Variants in ADAMTSL1 observed in about 807,000 individuals in gnomAD.
ADAMTSL1 encodes the protein ADAMTS-like protein 1.
A neutral mutation model predicts 201.8 loss-of-function variants in ADAMTSL1; 126 were observed. The ratio of observed to expected loss-of-function variants is 0.62; its 90% CI spans 0.54 to 0.72. The LOEUF (loss-of-function observed/expected upper bound fraction) is 0.72, where lower values mean the gene tolerates loss of function less well. Ranked by LOEUF, ADAMTSL1 falls within the 30% of genes least tolerant of loss-of-function variation. ADAMTSL1 has a pLI of 0.00. For missense variants in ADAMTSL1, 2,679 were observed against 2,277.8 expected, an observed-to-expected ratio of 1.18 and a Z score of -3.59; for synonymous variants, 1,121 against 903.4, an observed-to-expected ratio of 1.24 and a Z score of -4.32.
chr9:18,512,198 C>T (rs1387675098), intron 2 of ADAMTSL1, among the ~76,000 whole-genome samples: 1 of 152,128 alleles, frequency 6.6e-6, no homozygotes, highest in African/African-American at 2.4e-5. Flanking sequence ...AAATATATTA[C>T]CAAGACTTCT....
rs372486212 is a variant in ADAMTSL1 at position 18,542,031 on chromosome 9, A to G, written c.237+8739A>G. Among the ~76,000 whole-genome samples, 256 of 152,350 alleles carry G rather than the reference A, an allele frequency of 1.7e-3. 7 individuals are homozygous for G. The South Asian group carries it at 0.049, about 29-fold the overall frequency. ...TGGTTGTGTGGCACCATCCCAAGGC[A>G]TTGAAGGACACACATCCAACTGATC... On this transcript the variant is annotated intron_variant, in intron 3 of 28. Coordinates refer to ENST00000380548, the MANE Select transcript of ADAMTSL1 (RefSeq NM_001040272.6).
chr9:18,865,683 C>T (rs558065211), intron 23 of ADAMTSL1, among the ~76,000 whole-genome samples: 83 of 152,238 alleles, frequency 5.5e-4, no homozygotes, highest in African/African-American at 1.6e-3. Context: ...AGTTTAGAAC[C>T]ACTTTAGGCC....
intron 26 of ADAMTSL1, among the ~76,000 whole-genome samples, chr9:18,894,624 AAAAG>A (rs1829503603): frequency 6.6e-6 from 1 of 152,100 alleles, no homozygotes; most frequent in South Asian, 2.1e-4. Flanking sequence ...ATACAGAAAA[AAAAG>A]AGGGTGGATT....
chr9:18,377,389 T>A (rs948340136), intron 2 of ADAMTSL1, among the ~76,000 whole-genome samples: 5 of 152,352 alleles, frequency 3.3e-5, no homozygotes, highest in African/African-American at 9.6e-5. Flanking sequence ...ATTGTCTACA[T>A]CCAGATATCG....
intron 2 of ADAMTSL1, among the ~76,000 whole-genome samples, chr9:18,464,831 T>C (rs748227183): frequency 2.0e-5 from 3 of 152,078 alleles, no homozygotes; most frequent in Non-Finnish European, 4.4e-5. Flanking sequence ...AAAATAAAAA[T>C]CAAGAGAGAA....
At chr9:17,937,817 C>T (rs1431947138) in intron 1 of ADAMTSL1, among the ~76,000 whole-genome samples, 4 of 152,096 alleles carry the variant, frequency 2.6e-5, no homozygotes, top group African/African-American at 4.8e-5. Context: ...TCTAATGCTT[C>T]CTTTTAAAAC....
chr9:18,650,511 G>T (rs749696704), intron 7 of ADAMTSL1, among the ~76,000 whole-genome samples: 1 of 152,004 alleles, frequency 6.6e-6, no homozygotes, highest in Non-Finnish European at 1.5e-5. Flanking sequence ...GTAGACAGGA[G>T]CTGTTCCTAT....
intron 22 of ADAMTSL1, among the ~76,000 whole-genome samples, chr9:18,827,197 A>G (rs932701743): frequency 1.3e-5 from 2 of 152,108 alleles, no homozygotes; most frequent in African/African-American, 4.8e-5. Flanking sequence ...GCTTTCTCAA[A>G]AAAAAGAGCA....
rs562539793 is a variant in ADAMTSL1 at position 18,076,247 on chromosome 9, T to C, written c.88-87615T>C. The stretch of plus-strand genomic sequence containing the variant: ...CATGGGAAATATTGGAAATATTTTA[T>C]GAAATTTAGGTCATTACCATGGTGC... On this transcript the variant is annotated intron_variant, in intron 1 of 29. Transcript: ENST00000680146. Among the ~76,000 whole-genome samples the C allele has an allele frequency of 1.2e-4, 19 of 152,326 alleles. 1 individual carries two copies. In the South Asian group the frequency reaches 2.9e-3, roughly 23 times the overall value.
chr9:18,652,286 C>T (rs776784), intron 7 of ADAMTSL1, among the ~76,000 whole-genome samples: 10,935 of 147,598 alleles, frequency 0.074, 693 homozygotes, highest in African/African-American at 0.18. Flanking sequence ...GCAGGAAAAT[C>T]GCTTGAATCC....
At chr9:18,031,717 A>T (rs1323306141) in intron 1 of ADAMTSL1, among the ~76,000 whole-genome samples, 2 of 151,990 alleles carry the variant, frequency 1.3e-5, no homozygotes, top group African/African-American at 4.8e-5. Context: ...GCATTTCCTT[A>T]GTCCCATGGG....
chr9:18,623,104 C>T (rs1370944846), intron 5 of ADAMTSL1, among the ~76,000 whole-genome samples: 5 of 152,088 alleles, frequency 3.3e-5, no homozygotes, highest in African/African-American at 7.2e-5. Context: ...CCATGTTGGC[C>T]GGGCTGGTCT....
At chr9:18,287,794 G>T (rs991815813) in intron 2 of ADAMTSL1, among the ~76,000 whole-genome samples, 12 of 141,802 alleles carry the variant, frequency 8.5e-5, no homozygotes, top group African/African-American at 3.1e-4. Context: ...CAGTTGGGAA[G>T]GATCCCACAG....
intron 5 of ADAMTSL1, among the ~76,000 whole-genome samples, chr9:18,629,920 T>C (rs1826639338): frequency 6.6e-6 from 1 of 152,234 alleles, no homozygotes; most frequent in Non-Finnish European, 1.5e-5. Context: ...ACCATTATAG[T>C]AACTATTTTA....
intron 4 of ADAMTSL1, among the ~76,000 whole-genome samples, chr9:18,589,645 C>T: frequency 6.6e-6 from 1 of 152,116 alleles, no homozygotes. Flanking sequence ...ATCCTTGTCT[C>T]ATTTCAGGTT....
chr9:18,428,025 C>A (rs1328883988), intron 2 of ADAMTSL1, among the ~76,000 whole-genome samples: 1 of 152,220 alleles, frequency 6.6e-6, no homozygotes, highest in East Asian at 1.9e-4. Flanking sequence ...CCTCCTTCTC[C>A]ACCTATCCTG....
chr9:17,985,382 A>T (rs1329248071), intron 1 of ADAMTSL1, among the ~76,000 whole-genome samples: 1 of 152,144 alleles, frequency 6.6e-6, no homozygotes, highest in Non-Finnish European at 1.5e-5. Flanking sequence ...ATCTAGGAAG[A>T]CCATTTAAAA....
intron 2 of ADAMTSL1, chr9:18,360,697 T>C (rs1293251728): frequency 6.6e-6 from 1 of 152,224 alleles, no homozygotes; most frequent in East Asian, 1.9e-4. Flanking sequence ...GTAGCACTCC[T>C]ATTGAGAAAC....
At chr9:18,497,884 C>T (rs1316515854) in intron 1 of ADAMTSL1, among the ~76,000 whole-genome samples, 2 of 152,098 alleles carry the variant, frequency 1.3e-5, no homozygotes, top group South Asian at 2.1e-4. Context: ...ATCAAGTTAC[C>T]ATAGTTCTGA....
Sources: gnomAD v4.1 joint callset for allele counts (sites outside exome capture counted in the v4.1 genomes callset) on GRCh38, gnomAD v4.1.1 for gene constraint, MANE v1.5 for transcripts, NCBI Gene and HGNC (gene_info 2026-07-23, HGNC 2026-07-21) for gene names.